CCDC102B: variants seen among roughly 807,000 people sequenced by gnomAD.
The protein encoded by CCDC102B is coiled-coil domain-containing protein 102B.
A neutral mutation model predicts 57.4 loss-of-function variants in CCDC102B; 75 were observed. The ratio of observed to expected loss-of-function variants is 1.31; its 90% CI spans 1.08 to 1.58. The LOEUF (loss-of-function observed/expected upper bound fraction) is 1.58, where lower values mean the gene tolerates loss of function less well. Among genes scored for constraint, CCDC102B ranks in the 40% most tolerant of loss-of-function variants. CCDC102B has a pLI of 0.00. For synonymous variants in CCDC102B, 206 were observed against 201.9 expected (o/e 1.02, Z -0.17); for missense variants, 636 against 582.6 (o/e 1.09, Z -0.94).
intron 6 of CCDC102B, among the ~76,000 whole-genome samples, chr18:68,995,082 G>A (rs554342826): frequency 6.6e-6 from 1 of 152,280 alleles, no homozygotes; most frequent in East Asian, 1.9e-4. Context: ...TTGGGAACTG[G>A]AATAAAGATG....
chr18:68,901,015 A>G (rs536099103), intron 6 of CCDC102B, among the ~76,000 whole-genome samples: 1 of 152,302 alleles, frequency 6.6e-6, no homozygotes, highest in East Asian at 1.9e-4. Flanking sequence ...ATCATCTATA[A>G]ATTACAGGGT....
intron 7 of CCDC102B, among the ~76,000 whole-genome samples, chr18:69,025,639 T>G (rs961977060): frequency 2.6e-5 from 4 of 152,222 alleles, no homozygotes; most frequent in African/African-American, 9.6e-5. Context: ...TTCTAATTTT[T>G]TTGTTGTTGT....
At chr18:68,821,208 T>C (rs572163621) in intron 1 of CCDC102B, among the ~76,000 whole-genome samples, 206 of 152,146 alleles carry the variant, frequency 1.4e-3, no homozygotes, top group African/African-American at 4.8e-3. Flanking sequence ...GAAAAAACAC[T>C]AAAAATAAAT....
chr18:68,745,757 T>C (rs1599399949), intron 2 of CCDC102B, among the ~76,000 whole-genome samples: 1 of 152,208 alleles, frequency 6.6e-6, no homozygotes, highest in Admixed American at 6.5e-5. Flanking sequence ...TTCCAGACTC[T>C]AGTAACCACG....
At chr18:68,952,872 C>T (rs1273867001) in intron 6 of CCDC102B, among the ~76,000 whole-genome samples, 3 of 152,088 alleles carry the variant, frequency 2.0e-5, no homozygotes, top group East Asian at 3.9e-4. Context: ...TATGAATCAA[C>T]AATTCAGTAC....
chr18:68,999,746 C>T (rs1210174346), intron 6 of CCDC102B, among the ~76,000 whole-genome samples: 1 of 152,188 alleles, frequency 6.6e-6, no homozygotes, highest in Non-Finnish European at 1.5e-5. Flanking sequence ...CCCTATTCTA[C>T]TTATCCTTAG....
At chr18:69,052,490 G>A (rs17080173) in intron 7 of CCDC102B, among the ~76,000 whole-genome samples, 1,570 of 151,690 alleles carry the variant, frequency 0.01, 10 homozygotes, top group South Asian at 0.026. Context: ...TCTATCTATC[G>A]TCTGTTATAC....
intron 4 of CCDC102B, among the ~76,000 whole-genome samples, chr18:68,849,296 A>G (rs2038016992): frequency 6.6e-6 from 1 of 152,130 alleles, no homozygotes; most frequent in African/African-American, 2.4e-5. Context: ...GTTATTAGAA[A>G]TAGGTGTATG....
intron 7 of CCDC102B, among the ~76,000 whole-genome samples, chr18:69,041,222 CA>C (rs1206358996): frequency 6.6e-6 from 1 of 152,102 alleles, no homozygotes; most frequent in Non-Finnish European, 1.5e-5. Context: ...TTTTAGTACA[CA>C]GCAGATACTC....
At chr18:68,741,453 T>G (rs746156782) in intron 2 of CCDC102B, among the ~76,000 whole-genome samples, 1 of 152,158 alleles carries the variant, frequency 6.6e-6, no homozygotes, top group African/African-American at 2.4e-5. Context: ...AATTCTGGGA[T>G]AGCTGAACCA....
intron 1 of CCDC102B, among the ~76,000 whole-genome samples, chr18:68,815,515 A>G (rs1265321527): frequency 1.3e-5 from 2 of 152,204 alleles, no homozygotes; most frequent in East Asian, 3.8e-4. Context: ...ATAGACTGGC[A>G]TGGAAACACA....
chr18:68,881,059 A>C (rs932129143), intron 5 of CCDC102B, among the ~76,000 whole-genome samples: 1 of 152,238 alleles, frequency 6.6e-6, no homozygotes, highest in Non-Finnish European at 1.5e-5. Flanking sequence ...TAATTGCTTT[A>C]CTGAAGAAAT....
chr18:68,788,401 G>A (rs1391231945), intron 2 of CCDC102B, among the ~76,000 whole-genome samples: 24 of 148,640 alleles, frequency 1.6e-4, no homozygotes, highest in African/African-American at 5.7e-4. Flanking sequence ...TTTCTGTCTC[G>A]TTGATCTGTC....
At chr18:68,835,778 T>C (rs1054007364) in intron 1 of CCDC102B, among the ~76,000 whole-genome samples, 1 of 152,246 alleles carries the variant, frequency 6.6e-6, no homozygotes, top group African/African-American at 2.4e-5. Flanking sequence ...TATACTCACC[T>C]TCTTCCAGAA....
At chr18:68,905,969 A>G (rs2040627099) in intron 6 of CCDC102B, among the ~76,000 whole-genome samples, 1 of 151,152 alleles carries the variant, frequency 6.6e-6, no homozygotes, top group Non-Finnish European at 1.5e-5. Context: ...AATTTTTTGT[A>G]TTTTTAGTAG....
intron 4 of CCDC102B, among the ~76,000 whole-genome samples, chr18:68,869,100 G>A (rs1401085317): frequency 6.6e-6 from 1 of 152,152 alleles, no homozygotes; most frequent in Non-Finnish European, 1.5e-5. Flanking sequence ...GAAGAAAAAT[G>A]TAAGGGAAAA....
chr18:68,844,107 A>G lies in CCDC102B; in HGVS notation c.828-2206A>G, dbSNP rs114455526. 6.8e-4 allele frequency among the ~76,000 whole-genome samples: 103 copies of G among 152,028 alleles called. 1 individual carries two copies. The highest frequency in any genetic ancestry group is 2.3e-3 in the African/African-American group (97 of 41,550). On this transcript the variant is annotated intron_variant, in intron 3 of 7. Transcript: ENST00000360242. Reference sequence around the variant, plus strand: ...CTTTTAGGAAACAAATACATATCAGATATTTTCTTTATGATGTATATTTAA... The same window carrying G: ...CTTTTAGGAAACAAATACATATCAGGTATTTTCTTTATGATGTATATTTAA...
At chr18:68,775,775 T>C (rs1315105430) in intron 2 of CCDC102B, among the ~76,000 whole-genome samples, 1 of 149,550 alleles carries the variant, frequency 6.7e-6, no homozygotes, top group African/African-American at 2.5e-5. Context: ...TGCCTCAGCC[T>C]CCTGAGTAGC....
chr18:68,862,531 C>T (rs2038806776), intron 4 of CCDC102B, among the ~76,000 whole-genome samples: 1 of 152,002 alleles, frequency 6.6e-6, no homozygotes, highest in Non-Finnish European at 1.5e-5. Context: ...ACATGAACTA[C>T]CATCCATATT....
Sources: gnomAD v4.1 joint callset for allele counts (sites outside exome capture counted in the v4.1 genomes callset) on GRCh38, gnomAD v4.1.1 for gene constraint, MANE v1.5 for transcripts, NCBI Gene and HGNC (gene_info 2026-07-23, HGNC 2026-07-21) for gene names.